Variants in FAM91A1 observed in about 807,000 individuals in gnomAD.
FAM91A1 encodes family with sequence similarity 91 member A1, also known as protein FAM91A1.
A neutral mutation model predicts 113.5 loss-of-function variants in FAM91A1; 41 were observed. The ratio of observed to expected loss-of-function variants is 0.36; its 90% CI spans 0.28 to 0.47. The LOEUF is 0.47. FAM91A1 is among the 20% of genes least tolerant of loss of function. The probability of loss-of-function intolerance (pLI) is 1.00; values close to 1 mark genes in which losing one functional copy is unlikely to be tolerated. For missense variants in FAM91A1, 696 were observed against 1,001.2 expected (o/e 0.70, Z 4.11); for synonymous variants, 307 against 347.9 (o/e 0.88, Z 1.31).
In FAM91A1 at chr8:123,805,277, T is replaced by G. The variant is rs750423941; in HGVS notation, c.1820T>G (p.Leu607Arg). 1 of 1,612,056 alleles carries G rather than the reference T, an allele frequency of 6.2e-7. No individual in the cohort carries two copies. Among genetic ancestry groups the G allele is most frequent in the Non-Finnish European group, 8.5e-7 (1 of 1,179,018 alleles). The change falls in exon 19 of 24, where the codon CTG (leucine) becomes CGG (arginine). Residue 607 changes from leucine to arginine, a missense_variant. Physicochemically the swap from Leu to Arg is moderately radical, Grantham distance 102. Coordinates refer to ENST00000334705, the MANE Select transcript of FAM91A1 (RefSeq NM_144963.4). Reference sequence around the variant, plus strand: ...TTTGTTTATGTTTAGGGGCATGGTCTGCATGGGATAGGAGAAACTGTCCAT... The same window carrying G: ...TTTGTTTATGTTTAGGGGCATGGTCGGCATGGGATAGGAGAAACTGTCCAT... ...HSAVLIQGHGLHGIGETVHVP... is the reference protein window; with the variant it reads ...HSAVLIQGHGRHGIGETVHVP...
At chr8:123,774,032 A>G (rs760649786) in intron 1 of FAM91A1, 48 bp from the exon 2 acceptor site, 2 of 1,471,968 alleles carry the variant, frequency 1.4e-6, no homozygotes, top group Non-Finnish European at 1.9e-6. Flanking sequence ...AAATAGTACT[A>G]TTGTTCAGTT....
intron 6 of FAM91A1, 100 bp from the exon 7 acceptor site, chr8:123,779,885 A>C: frequency 2.2e-6 from 2 of 909,982 alleles, no homozygotes; most frequent in South Asian, 3.4e-5. Context: ...CATTGAGCTA[A>C]TGACATGTAA....
At chr8:123,779,821 G>A (rs1261480514) in intron 6 of FAM91A1, among the ~76,000 whole-genome samples, 164 bp from the exon 7 acceptor site, 1 of 152,170 alleles carries the variant, frequency 6.6e-6, no homozygotes, top group African/African-American at 2.4e-5. Context: ...CACCTTAATT[G>A]ATGGCTATGT....
At chr8:123,778,948 C>T (rs1435669813) in intron 6 of FAM91A1, among the ~76,000 whole-genome samples, 176 bp downstream of exon 6, 1 of 151,986 alleles carries the variant, frequency 6.6e-6, no homozygotes, top group African/African-American at 2.4e-5. Context: ...TTTTGAGATA[C>T]TCTTTAATGG....
rs563023320 is a variant in FAM91A1 at position 123,808,087 on chromosome 8, A to C, written c.2033-185A>C. Among the ~76,000 whole-genome samples, 3 of 152,300 alleles carry C rather than the reference A, an allele frequency of 2.0e-5. No individual in the cohort carries two copies. The South Asian group carries it at 6.2e-4, about 32-fold the overall frequency. ...AGATACGAATAGCATCCCTGTCTTC[A>C]TTCGTGTCCCTTGGGGATCAAAATT... On this transcript the variant is annotated intron_variant, in intron 20 of 23. Coordinates refer to ENST00000334705, the MANE Select transcript of FAM91A1 (RefSeq NM_144963.4).
Position 123,789,495 on chromosome 8 carries a change from G to C in FAM91A1, c.1279-118G>C, listed in dbSNP as rs1815332342. The C allele has an allele frequency of 2.0e-6, 3 of 1,470,374 alleles. No individual in the cohort carries two copies. The South Asian group carries it at 3.9e-5, about 19-fold the overall frequency. The allele number at this position is 1,470,374 out of a possible 1,614,324, so 91.1% of individuals were successfully genotyped here. A position where few individuals can be genotyped will look rare whatever the true frequency, so the allele number is the denominator to read the frequency against. On this transcript the variant is annotated intron_variant, in intron 14 of 23. Coordinates refer to ENST00000334705, the MANE Select transcript of FAM91A1 (RefSeq NM_144963.4). Reference sequence around the variant, plus strand: ...TTAATAACTTGTTTCGGTATTGCCTGGGCAAATTTTTGATTTACTACTTTT... The same window carrying C: ...TTAATAACTTGTTTCGGTATTGCCTCGGCAAATTTTTGATTTACTACTTTT...
At chr8:123,806,596 G>C (rs934692001) in intron 20 of FAM91A1, among the ~76,000 whole-genome samples, 1 of 152,048 alleles carries the variant, frequency 6.6e-6, no homozygotes, top group Non-Finnish European at 1.5e-5. Flanking sequence ...CTGTCAAAAG[G>C]TACCATTGTC....
chr8:123,780,678 G>T, intron 8 of FAM91A1, 136 bp downstream of exon 8: 1 of 628,786 alleles, frequency 1.6e-6, no homozygotes, highest in Non-Finnish European at 2.6e-6. Flanking sequence ...TTTTAACATA[G>T]TACATTGGTT....
rs999198550 is a variant in FAM91A1 at position 123,802,587 on chromosome 8, A to G, written c.1810-2680A>G. 2.0e-5 allele frequency among the ~76,000 whole-genome samples: 3 copies of G among 152,200 alleles called. No homozygotes were observed. The South Asian group carries it at 6.2e-4, about 32-fold the overall frequency. On this transcript the variant is annotated intron_variant, in intron 18 of 23. Coordinates refer to ENST00000334705, the MANE Select transcript of FAM91A1 (RefSeq NM_144963.4). ...TATATGGTGCCTGTGGTAATTGGAA[A>G]TATTCTGAAATTCAAATGAGAGGTT...
At chr8:123,806,666 C>T (rs942563553) in intron 20 of FAM91A1, among the ~76,000 whole-genome samples, 2 of 152,058 alleles carry the variant, frequency 1.3e-5, no homozygotes, top group Non-Finnish European at 2.9e-5. Context: ...CCACTATGTT[C>T]AGTTAGTTTC....
At position 123,807,795 on chromosome 8, in the gene FAM91A1, G is replaced by T. The variant is rs564584057; in HGVS notation, c.2033-477G>T. 5.4e-4 allele frequency among the ~76,000 whole-genome samples: 82 copies of T among 152,316 alleles called. 1 individual carries two copies. The highest frequency in any genetic ancestry group is 1.9e-3 in the African/African-American group (81 of 41,574). Reference sequence around the variant, plus strand: ...TGTTGGACAGTAGTAGAAGATGAGAGTAGAGAAGTAGATAAGGTCTAAGGG... The same window carrying T: ...TGTTGGACAGTAGTAGAAGATGAGATTAGAGAAGTAGATAAGGTCTAAGGG... On this transcript the variant is annotated intron_variant, in intron 20 of 23. Coordinates refer to ENST00000334705, the MANE Select transcript of FAM91A1 (RefSeq NM_144963.4).
intron 15 of FAM91A1, among the ~76,000 whole-genome samples, chr8:123,793,573 C>T (rs1815436399): frequency 6.6e-6 from 1 of 152,186 alleles, no homozygotes; most frequent in Admixed American, 6.5e-5. Flanking sequence ...TAAGCTTGCT[C>T]CTGTCTCCTT....
intron 1 of FAM91A1, among the ~76,000 whole-genome samples, chr8:123,772,863 A>G (rs1171105965): frequency 2.0e-5 from 3 of 152,198 alleles, no homozygotes; most frequent in Non-Finnish European, 4.4e-5. Context: ...AGAAAAGAAA[A>G]TGCTATTATG....
At chr8:123,806,947 A>G (rs1586396066) in intron 20 of FAM91A1, among the ~76,000 whole-genome samples, 1 of 149,378 alleles carries the variant, frequency 6.7e-6, no homozygotes, top group Middle Eastern at 3.4e-3. Context: ...TCACCTTCTC[A>G]TGCTTACTAG....
chr8:123,787,786 AT>A, intron 14 of FAM91A1, 36 bp downstream of exon 14: 1 of 1,529,980 alleles, frequency 6.5e-7, no homozygotes, highest in Non-Finnish European at 9.0e-7. Flanking sequence ...ATGTTAGGGC[AT>A]TTGGAATCTG....
At chr8:123,788,949 G>A (rs887547684) in intron 14 of FAM91A1, among the ~76,000 whole-genome samples, 3 of 152,068 alleles carry the variant, frequency 2.0e-5, no homozygotes, top group Non-Finnish European at 4.4e-5. Context: ...TTATTTTCCC[G>A]TTGGTAGACC....
intron 10 of FAM91A1, 45 bp downstream of exon 10, chr8:123,785,164 T>A: frequency 7.0e-7 from 1 of 1,419,428 alleles, no homozygotes; most frequent in Non-Finnish European, 9.6e-7. Flanking sequence ...GATAACTGAG[T>A]GGATTTTACT....
intron 16 of FAM91A1, 33 bp downstream of exon 16, chr8:123,798,271 T>C (rs1258421100): frequency 6.2e-7 from 1 of 1,607,202 alleles, no homozygotes; most frequent in African/African-American, 1.3e-5. Flanking sequence ...CACTTGGTAG[T>C]GTCATGAGTC....
intron 13 of FAM91A1, 57 bp downstream of exon 13, chr8:123,787,430 A>G: frequency 7.7e-7 from 1 of 1,295,094 alleles, no homozygotes; most frequent in Non-Finnish European, 1.1e-6. Context: ...TAGATATAAA[A>G]TAATTTAATG....
Sources: gnomAD v4.1 joint callset for allele counts (sites outside exome capture counted in the v4.1 genomes callset) on GRCh38, gnomAD v4.1.1 for gene constraint, MANE v1.5 for transcripts, NCBI Gene and HGNC (gene_info 2026-07-23, HGNC 2026-07-21) for gene names.